The following ATF7 variants were observed in gnomAD, a reference collection of about 807,000 sequenced individuals.
ATF7 encodes activating transcription factor 7, also known as cyclic AMP-dependent transcription factor ATF-7.
A neutral mutation model predicts 50.4 loss-of-function variants in ATF7; 10 were observed. That is an observed-to-expected ratio of 0.20 (90% CI 0.12 to 0.34). The LOEUF is 0.34. Among genes scored for constraint, ATF7 ranks in the 10% least tolerant of loss-of-function variants. ATF7 has a pLI of 1.00. For synonymous variants in ATF7, 201 were observed against 226.4 expected, an observed-to-expected ratio of 0.89 and a Z score of 1.01; for missense variants, 465 against 613.9, an observed-to-expected ratio of 0.76 and a Z score of 2.56.
intron 2 of ATF7, among the ~76,000 whole-genome samples, chr12:53,570,423 C>T (rs1414021462): frequency 6.6e-6 from 1 of 152,170 alleles, no homozygotes; most frequent in Non-Finnish European, 1.5e-5. Context: ...GAGGTTGGAA[C>T]TTCCAGTCCT....
intron 1 of ATF7, among the ~76,000 whole-genome samples, chr12:53,625,542 T>A (rs1175795200): frequency 2.0e-5 from 3 of 152,220 alleles, no homozygotes; most frequent in Non-Finnish European, 4.4e-5. Flanking sequence ...TCACCCATAC[T>A]GTCCTCTTAA....
chr12:53,552,445 G>T, intron 3 of ATF7, 96 bp downstream of exon 3: 1 of 955,342 alleles, frequency 1.0e-6, no homozygotes, highest in Non-Finnish European at 1.7e-6. Flanking sequence ...CTCTTAATGG[G>T]AGAAAGGGAG....
At chr12:53,579,654 T>C (rs1362713632) in intron 2 of ATF7, among the ~76,000 whole-genome samples, 1 of 151,902 alleles carries the variant, frequency 6.6e-6, no homozygotes, top group African/African-American at 2.4e-5. Context: ...TGTGCCTGGA[T>C]CCTGGGGAAT....
Position 53,524,853 on chromosome 12 carries a change from A to T in ATF7, c.928-92T>A. On this transcript the variant is annotated intron_variant, in intron 9 of 11. Coordinates refer to ENST00000420353, the MANE Select transcript of ATF7 (RefSeq NM_006856.3). The surrounding 1 kb of genome is among the most constrained non-coding windows in gnomAD (Gnocchi z 4.6). ...GTTAGGTAGAGTAGTAAGATCTGGT[A>T]AAAGGATATACCAGCCTCTGGTAAC... 1 of 1,186,536 alleles carries T rather than the reference A, an allele frequency of 8.4e-7. No individual in the cohort carries two copies. Among genetic ancestry groups the T allele is most frequent in the Non-Finnish European group, 1.1e-6 (1 of 870,080 alleles). 73.5% of individuals were successfully genotyped at this position (1,186,536 alleles called of 1,614,324 possible).
intron 2 of ATF7, among the ~76,000 whole-genome samples, chr12:53,589,145 C>A (rs940845664): frequency 2.0e-5 from 3 of 152,072 alleles, no homozygotes; most frequent in African/African-American, 7.2e-5. Flanking sequence ...AATAAGGAAG[C>A]AATTTAGCAG....
chr12:53,595,299 C>T (rs1239418929), intron 2 of ATF7, among the ~76,000 whole-genome samples: 1 of 152,146 alleles, frequency 6.6e-6, no homozygotes, highest in Non-Finnish European at 1.5e-5. Context: ...ATTGCTTCCC[C>T]TCGTAATTCT....
chr12:53,620,495 G>A (rs1944331975), intron 1 of ATF7, among the ~76,000 whole-genome samples: 1 of 144,646 alleles, frequency 6.9e-6, no homozygotes, highest in East Asian at 2.1e-4. Context: ...AGAATGGCGT[G>A]AACCCGGGAG....
intron 2 of ATF7, among the ~76,000 whole-genome samples, chr12:53,596,423 G>A (rs1336297099): frequency 3.3e-5 from 5 of 152,304 alleles, no homozygotes; most frequent in Admixed American, 6.5e-5. Context: ...GAGGAAATGC[G>A]TTCCTGTTTT....
intron 9 of ATF7, among the ~76,000 whole-genome samples, chr12:53,526,139 T>A (rs1938441876): frequency 6.7e-6 from 1 of 148,782 alleles, no homozygotes; most frequent in South Asian, 2.1e-4. Context: ...GAACCTGAGG[T>A]AGAGGGTGCA....
chr12:53,552,830 G>A (rs891228006), intron 2 of ATF7, among the ~76,000 whole-genome samples, 193 bp from the exon 3 acceptor site: 4 of 152,056 alleles, frequency 2.6e-5, no homozygotes, highest in African/African-American at 9.7e-5. Flanking sequence ...AAGAGGAGAT[G>A]GGGAAGACCA....
chr12:53,601,685 G>A (rs979702109), intron 1 of ATF7, among the ~76,000 whole-genome samples: 2 of 152,064 alleles, frequency 1.3e-5, no homozygotes, highest in African/African-American at 4.8e-5. Flanking sequence ...TTCTATTTAC[G>A]GCTAGGTTTT....
At chr12:53,549,282 G>A (rs1309524279) in intron 3 of ATF7, among the ~76,000 whole-genome samples, 52 of 98,190 alleles carry the variant, frequency 5.3e-4, no homozygotes, top group Admixed American at 4.0e-3. Flanking sequence ...ACGAGACTCC[G>A]TCTCAAAAAA....
At chr12:53,529,089 T>C (rs1938682584) in intron 9 of ATF7, among the ~76,000 whole-genome samples, 1 of 151,836 alleles carries the variant, frequency 6.6e-6, no homozygotes. Context: ...AAATTATATA[T>C]ATATAAAAAG....
At chr12:53,604,243 C>G (rs1943514449) in intron 1 of ATF7, among the ~76,000 whole-genome samples, 1 of 152,114 alleles carries the variant, frequency 6.6e-6, no homozygotes, top group Non-Finnish European at 1.5e-5. Flanking sequence ...AGAAAAGGCT[C>G]AGGTACTCAG....
intron 2 of ATF7, among the ~76,000 whole-genome samples, chr12:53,561,424 G>A (rs1330368771): frequency 6.6e-6 from 1 of 151,490 alleles, no homozygotes; most frequent in Non-Finnish European, 1.5e-5. Flanking sequence ...GGTGAAGGAA[G>A]AAATAACTGA....
chr12:53,573,788 T>C (rs531619158), intron 2 of ATF7, among the ~76,000 whole-genome samples: 1 of 152,324 alleles, frequency 6.6e-6, no homozygotes, highest in Admixed American at 6.5e-5. Context: ...GGTTTTATCA[T>C]AGACTAACTA....
intron 1 of ATF7, among the ~76,000 whole-genome samples, chr12:53,614,570 A>C (rs968721714): frequency 6.6e-6 from 1 of 152,228 alleles, no homozygotes; most frequent in Admixed American, 6.5e-5. Flanking sequence ...TTGGTTCTGG[A>C]TAGGAAATAG....
rs1212699908 is a variant in ATF7 at position 53,517,221 on chromosome 12, C to A, written c.1368G>T (p.Gln456His). 5 of 1,613,934 alleles carry A rather than the reference C, an allele frequency of 3.1e-6. No individual in the cohort carries two copies. The highest frequency in any genetic ancestry group is 4.2e-6 in the Non-Finnish European group (5 of 1,179,910). The change falls in exon 12 of 12, where the codon CAG becomes CAT. Residue 456 changes from glutamine (Q) to histidine (H), a missense_variant. Transcript: ENST00000420353. ...TCAGTTCTGTCCTTTGGCTGGCCATCTGAGTGAGGACCGAGGTGGCCACAG... is the reference window on the plus strand; with the variant it reads ...TCAGTTCTGTCCTTTGGCTGGCCATATGAGTGAGGACCGAGGTGGCCACAG... Reference protein sequence around the residue: ...AEAVATSVLTQMASQRTELSM... With the variant: ...AEAVATSVLTHMASQRTELSM...
intron 2 of ATF7, among the ~76,000 whole-genome samples, chr12:53,557,064 A>G (rs1003231014): frequency 6.6e-6 from 1 of 152,104 alleles, no homozygotes; most frequent in African/African-American, 2.4e-5. Context: ...GGCTAAAAAT[A>G]GCTAAAGTGT....
Sources: allele counts gnomAD v4.1 joint callset (sites outside exome capture counted in the v4.1 genomes callset), GRCh38; gene constraint gnomAD v4.1.1; non-coding constraint Gnocchi (gnomAD v3.1); transcripts MANE v1.5; gene names NCBI Gene and HGNC (gene_info 2026-07-23, HGNC 2026-07-21).